The following CCSER1 variants were observed in gnomAD, a reference collection of about 807,000 sequenced individuals.
The protein encoded by CCSER1 is coiled-coil serine rich protein 1, also known as serine-rich coiled-coil domain-containing protein 1.
In CCSER1, 41 loss-of-function variants were observed where a neutral mutation model predicts 82.0. The ratio of observed to expected loss-of-function variants is 0.50; its 90% CI spans 0.39 to 0.65. CCSER1 has a LOEUF of 0.65. Ranked by LOEUF, CCSER1 falls within the 30% of genes least tolerant of loss-of-function variation. The pLI is 0.00. For synonymous variants in CCSER1, 414 were observed against 383.9 expected, an observed-to-expected ratio of 1.08 and a Z score of -0.92; for missense variants, 1,119 against 1,064.2, an observed-to-expected ratio of 1.05 and a Z score of -0.72.
At position 90,852,974 on chromosome 4, in the gene CCSER1, G is replaced by A. The variant is rs186611802; in HGVS notation, c.2094+37129G>A. ...GAGAGAGACCCTAAGCTGCTTGCAA[G>A]ATTAGACAACTGTATTTATACAGTG... On this transcript the variant is annotated intron_variant, in intron 8 of 10. Coordinates refer to ENST00000509176, the MANE Select transcript of CCSER1 (RefSeq NM_001145065.2). 3.0e-4 allele frequency among the ~76,000 whole-genome samples: 45 copies of A among 152,240 alleles called. 1 individual carries two copies. The Middle Eastern group carries it at 0.027, about 92-fold the overall frequency.
At position 90,548,749 on chromosome 4, in the gene CCSER1, T is replaced by TATAC. The variant is rs950440676; in HGVS notation, c.1725-79275_1725-79274insTACA. On this transcript the variant is annotated intron_variant, in intron 5 of 10. Transcript: ENST00000509176. ...AAAGATATATATATATATATATATATACACACACACACAGACATATATACA... is the reference window on the plus strand; with the variant it reads ...AAAGATATATATATATATATATATATATACACACACACACACAGACATATATACA... 1.5e-4 allele frequency among the ~76,000 whole-genome samples: 22 copies of TATAC among 147,848 alleles called. No individual in the cohort carries two copies. The East Asian group carries it at 2.6e-3, about 18-fold the overall frequency.
At chr4:90,583,100 C>A (rs1781594170) in intron 5 of CCSER1, among the ~76,000 whole-genome samples, 1 of 152,144 alleles carries the variant, frequency 6.6e-6, no homozygotes, top group African/African-American at 2.4e-5. Context: ...ACTACACCAC[C>A]TTCTACTCAA....
At chr4:91,383,351 C>T (rs1560629110) in intron 10 of CCSER1, among the ~76,000 whole-genome samples, 1 of 148,492 alleles carries the variant, frequency 6.7e-6, no homozygotes, top group African/African-American at 2.5e-5. Context: ...TGTTATCTCA[C>T]TTTTTTTTTT....
At chr4:90,200,601 G>A (rs985571655) in intron 1 of CCSER1, among the ~76,000 whole-genome samples, 1 of 151,882 alleles carries the variant, frequency 6.6e-6, no homozygotes, top group African/African-American at 2.4e-5. Context: ...ATAAGATTAC[G>A]GCTGTTAGGA....
intron 3 of CCSER1, among the ~76,000 whole-genome samples, chr4:90,324,521 GT>G (rs1212061339): frequency 6.6e-6 from 1 of 150,440 alleles, no homozygotes; most frequent in Non-Finnish European, 1.5e-5. Context: ...GGGGTTGTTT[GT>G]TTTTTTCTTG....
rs180980512 is a variant in CCSER1 at position 91,372,100 on chromosome 4, T to A, written c.2218-226472T>A. On this transcript the variant is annotated intron_variant, in intron 10 of 10. Transcript: ENST00000509176. ...TACCTTTGACACACTTCTAAAAGGATCTGTGTATTTGTATGGCTTTTGATC... is the reference window on the plus strand; with the variant it reads ...TACCTTTGACACACTTCTAAAAGGAACTGTGTATTTGTATGGCTTTTGATC... Among the ~76,000 whole-genome samples, 226 of 152,334 alleles carry A rather than the reference T, an allele frequency of 1.5e-3. 1 individual carries two copies. The highest frequency in any genetic ancestry group is 2.5e-3 in the Non-Finnish European group (172 of 68,022).
At chr4:90,214,485 C>A (rs1740647043) in intron 1 of CCSER1, among the ~76,000 whole-genome samples, 1 of 152,160 alleles carries the variant, frequency 6.6e-6, no homozygotes, top group African/African-American at 2.4e-5. Flanking sequence ...GATCACTCAG[C>A]ATAATCAGTA....
At chr4:91,165,821 C>A (rs1477389827) in intron 10 of CCSER1, among the ~76,000 whole-genome samples, 3 of 152,220 alleles carry the variant, frequency 2.0e-5, no homozygotes, top group African/African-American at 7.2e-5. Context: ...TCCCAATGTT[C>A]CAGATATCAT....
At chr4:91,543,536 G>T (rs997103291) in intron 10 of CCSER1, among the ~76,000 whole-genome samples, 14 of 152,070 alleles carry the variant, frequency 9.2e-5, no homozygotes, top group Non-Finnish European at 2.1e-4. Flanking sequence ...GGCTGTAAAG[G>T]ATTTTCTTTC....
chr4:91,225,621 A>T (rs1227929224), intron 10 of CCSER1, among the ~76,000 whole-genome samples: 1 of 151,650 alleles, frequency 6.6e-6, no homozygotes, highest in African/African-American at 2.4e-5. Flanking sequence ...TTAAGAACCC[A>T]CAAAGGAAGG....
At chr4:90,365,006 G>A (rs2153520793) in intron 3 of CCSER1, among the ~76,000 whole-genome samples, 1 of 151,854 alleles carries the variant, frequency 6.6e-6, no homozygotes, top group South Asian at 2.1e-4. Context: ...GAACTTTGAA[G>A]GCCTAAACTC....
intron 3 of CCSER1, among the ~76,000 whole-genome samples, chr4:90,331,294 T>C (rs752367): frequency 0.28 from 43,035 of 151,872 alleles, 6,497 homozygotes; most frequent in African/African-American, 0.38. Context: ...GTTAAAAAGA[T>C]GATTTTATTA....
chr4:90,903,613 C>T (rs1004441972), intron 8 of CCSER1, among the ~76,000 whole-genome samples: 1 of 152,140 alleles, frequency 6.6e-6, no homozygotes, highest in Admixed American at 6.6e-5. Context: ...ACTGCCAGAG[C>T]TTTCAGGCAC....
chr4:90,754,614 C>G (rs1270676105), intron 7 of CCSER1, among the ~76,000 whole-genome samples: 1 of 152,046 alleles, frequency 6.6e-6, no homozygotes, highest in Non-Finnish European at 1.5e-5. Context: ...TTAATGCAAC[C>G]CATTACAGTG....
chr4:90,191,362 G>GATA, intron 1 of CCSER1, among the ~76,000 whole-genome samples: 1 of 151,980 alleles, frequency 6.6e-6, no homozygotes, highest in Non-Finnish European at 1.5e-5. Flanking sequence ...TGAGATAGAT[G>GATA]GTCAGAAAGA....
chr4:91,074,735 C>T (rs1452228360), intron 9 of CCSER1, among the ~76,000 whole-genome samples: 2 of 152,220 alleles, frequency 1.3e-5, no homozygotes, highest in East Asian at 3.8e-4. Context: ...TTCCTTCTAG[C>T]TCTTTCCTGT....
intron 7 of CCSER1, among the ~76,000 whole-genome samples, chr4:90,777,568 T>A (rs924277317): frequency 6.6e-6 from 1 of 152,112 alleles, no homozygotes; most frequent in Non-Finnish European, 1.5e-5. Context: ...ATCACTTATC[T>A]CCATCTATAT....
At chr4:90,971,070 AG>A (rs1735059018) in intron 9 of CCSER1, among the ~76,000 whole-genome samples, 1 of 152,018 alleles carries the variant, frequency 6.6e-6, no homozygotes, top group Non-Finnish European at 1.5e-5. Flanking sequence ...TAAATATTAC[AG>A]CAGAAGTAAA....
intron 10 of CCSER1, among the ~76,000 whole-genome samples, chr4:91,241,974 A>G (rs1739404579): frequency 6.6e-6 from 1 of 151,748 alleles, no homozygotes; most frequent in African/African-American, 2.4e-5. Flanking sequence ...GCGTATATAT[A>G]TATATTTATG....
Sources: allele counts gnomAD v4.1 joint callset (sites outside exome capture counted in the v4.1 genomes callset), GRCh38; gene constraint gnomAD v4.1.1; transcripts MANE v1.5; gene names NCBI Gene and HGNC (gene_info 2026-07-23, HGNC 2026-07-21).